Variants in DSCAM observed in about 807,000 individuals in gnomAD.
DSCAM encodes the protein cell adhesion molecule DSCAM.
In DSCAM, 47 loss-of-function variants were observed where a neutral mutation model predicts 217.7. The observed-to-expected ratio is 0.22, with a 90% CI of 0.17 to 0.28. The LOEUF is 0.28. Among genes scored for constraint, DSCAM ranks in the 10% least tolerant of loss-of-function variants. DSCAM has a pLI of 1.00. For synonymous variants in DSCAM, 1,056 were observed against 1,015.3 expected, an observed-to-expected ratio of 1.04 and a Z score of -0.76; for missense variants, 2,080 against 2,618.3, an observed-to-expected ratio of 0.79 and a Z score of 4.49.
At chr21:40,415,645 T>C (rs1403337416) in intron 3 of DSCAM, among the ~76,000 whole-genome samples, 3 of 152,198 alleles carry the variant, frequency 2.0e-5, no homozygotes, top group Middle Eastern at 3.2e-3. Context: ...AGAAATCTGA[T>C]CTGCAGAACT....
At chr21:40,355,760 G>C (rs1217543995) in intron 4 of DSCAM, among the ~76,000 whole-genome samples, 2 of 152,196 alleles carry the variant, frequency 1.3e-5, no homozygotes, top group Non-Finnish European at 2.9e-5. Context: ...TGATGGCCAA[G>C]GAATGGATAT....
At chr21:40,699,006 T>C (rs1018598235) in intron 2 of DSCAM, among the ~76,000 whole-genome samples, 53 of 152,174 alleles carry the variant, frequency 3.5e-4, no homozygotes, top group African/African-American at 1.3e-3. Context: ...AGAGATTATG[T>C]TTTTTACAAG....
intron 1 of DSCAM, among the ~76,000 whole-genome samples, chr21:40,780,441 A>ATATATATATATATATATATATATC (rs1407749651): frequency 9.7e-4 from 137 of 141,128 alleles, no homozygotes; most frequent in Non-Finnish European, 1.7e-3. Context: ...ATATATATAT[A>ATATATATATATATATATATATATC]TATATATCTC....
chr21:40,751,356 A>G (rs1174316423), intron 1 of DSCAM, among the ~76,000 whole-genome samples: 1 of 152,200 alleles, frequency 6.6e-6, no homozygotes, highest in African/African-American at 2.4e-5. Context: ...CACACCCACT[A>G]GAATAAAGCT....
chr21:40,473,301 G>A (rs890144787), intron 3 of DSCAM, among the ~76,000 whole-genome samples: 2 of 152,210 alleles, frequency 1.3e-5, no homozygotes, highest in Non-Finnish European at 2.9e-5. Context: ...AGGTTATACT[G>A]CATGTACAAT....
At chr21:40,775,220 G>A (rs541052755) in intron 1 of DSCAM, among the ~76,000 whole-genome samples, 124 of 152,192 alleles carry the variant, frequency 8.1e-4, no homozygotes, top group Admixed American at 3.7e-3. Context: ...CATCATGTTA[G>A]GCAGATCTAG....
chr21:40,578,993 C>T (rs1404545520), intron 3 of DSCAM, among the ~76,000 whole-genome samples: 2 of 152,132 alleles, frequency 1.3e-5, no homozygotes, highest in African/African-American at 4.8e-5. Context: ...AACCCACATG[C>T]AAACAAAACA....
intron 20 of DSCAM, among the ~76,000 whole-genome samples, chr21:40,113,896 C>T (rs2146643318): frequency 6.6e-6 from 1 of 152,026 alleles, no homozygotes; most frequent in Non-Finnish European, 1.5e-5. Context: ...CAAACCACTG[C>T]TCAACGAAAT....
intron 32 of DSCAM, among the ~76,000 whole-genome samples, chr21:40,033,215 C>A (rs781589550): frequency 6.6e-6 from 1 of 152,200 alleles, no homozygotes; most frequent in Non-Finnish European, 1.5e-5. Flanking sequence ...CAGCTCCCAG[C>A]CTGAGCGACG....
chr21:40,773,169 C>T (rs1322722529), intron 1 of DSCAM, among the ~76,000 whole-genome samples: 1 of 152,228 alleles, frequency 6.6e-6, no homozygotes, highest in Admixed American at 6.5e-5. Flanking sequence ...CGCACGAGAA[C>T]CCCCTTCTCA....
intron 29 of DSCAM, among the ~76,000 whole-genome samples, chr21:40,053,188 A>G (rs2088960203): frequency 6.6e-6 from 1 of 152,232 alleles, no homozygotes; most frequent in South Asian, 2.1e-4. Flanking sequence ...TCTGGCAGGA[A>G]AGGAAAGCCT....
chr21:40,572,629 T>C (rs185535331), intron 3 of DSCAM, among the ~76,000 whole-genome samples: 196 of 152,296 alleles, frequency 1.3e-3, no homozygotes, highest in African/African-American at 4.5e-3. Flanking sequence ...CCGAGTACAA[T>C]TCAAGACAAA....
intron 1 of DSCAM, among the ~76,000 whole-genome samples, chr21:40,759,590 C>T (rs765061354): frequency 3.3e-5 from 5 of 152,140 alleles, no homozygotes; most frequent in African/African-American, 9.7e-5. Context: ...CACATCAATA[C>T]GGCGGGGAGT....
At chr21:40,040,142 A>C (rs529877517) in intron 32 of DSCAM, among the ~76,000 whole-genome samples, 1 of 152,370 alleles carries the variant, frequency 6.6e-6, no homozygotes. Flanking sequence ...TCAGATGTTC[A>C]GTAATAATGC....
chr21:40,420,729 C>T (rs548938789), intron 3 of DSCAM, among the ~76,000 whole-genome samples: 14 of 152,260 alleles, frequency 9.2e-5, no homozygotes, highest in African/African-American at 3.4e-4. Context: ...TGGACACAAA[C>T]GGACATACAA....
intron 3 of DSCAM, among the ~76,000 whole-genome samples, chr21:40,378,558 T>A (rs934190057): frequency 3.6e-3 from 5 of 1,406 alleles, no homozygotes; most frequent in African/African-American, 7.4e-3. Context: ...AAACTTATTT[T>A]TTTTTTTTTT....
chr21:40,397,067 T>C (rs1028593692), intron 3 of DSCAM, among the ~76,000 whole-genome samples: 4 of 152,336 alleles, frequency 2.6e-5, no homozygotes, highest in Middle Eastern at 3.4e-3. Flanking sequence ...ATGGTTACAT[T>C]GCTTTCATCC....
At position 40,037,232 on chromosome 21, in the gene DSCAM, G is replaced by C. The variant is rs537975712; in HGVS notation, c.5686+5139C>G. On this transcript the variant is annotated intron_variant, in intron 32 of 32. Coordinates refer to ENST00000400454, the MANE Select transcript of DSCAM (RefSeq NM_001389.5). Reference sequence around the variant, plus strand: ...GAAAAGAGGAAGTCAAATTGTCCCTGTTTGCAGATGACATGATTGTATATC... The same window carrying C: ...GAAAAGAGGAAGTCAAATTGTCCCTCTTTGCAGATGACATGATTGTATATC... Among the ~76,000 whole-genome samples, 735 of 149,370 alleles carry C rather than the reference G, an allele frequency of 4.9e-3. 7 individuals are homozygous for C. The highest frequency in any genetic ancestry group is 8.7e-3 in the Non-Finnish European group (591 of 67,778).
chr21:40,523,604 G>A (rs1030964924), intron 3 of DSCAM, among the ~76,000 whole-genome samples: 1 of 152,154 alleles, frequency 6.6e-6, no homozygotes, highest in Non-Finnish European at 1.5e-5. Flanking sequence ...CATCTGCTGA[G>A]AGCTTCTTCC....
Sources: allele counts gnomAD v4.1 joint callset (sites outside exome capture counted in the v4.1 genomes callset), GRCh38; gene constraint gnomAD v4.1.1; transcripts MANE v1.5; gene names NCBI Gene and HGNC (gene_info 2026-07-23, HGNC 2026-07-21).